GAPVD1: variants seen among roughly 807,000 people sequenced by gnomAD.
The protein encoded by GAPVD1 is GTPase activating protein and VPS9 domains 1, also known as GTPase-activating protein and VPS9 domain-containing protein 1.
Under a neutral mutation model 155.5 loss-of-function variants are expected in GAPVD1, and 35 were observed. The observed-to-expected ratio is 0.23, with a 90% CI of 0.17 to 0.30. The LOEUF (loss-of-function observed/expected upper bound fraction) is 0.30, where lower values mean the gene tolerates loss of function less well. Ranked by LOEUF, GAPVD1 falls within the 10% of genes least tolerant of loss-of-function variation. The pLI, the probability that GAPVD1 is intolerant of heterozygous loss-of-function variation, is 1.00. For synonymous variants in GAPVD1, 636 were observed against 619.7 expected, an observed-to-expected ratio of 1.03 and a Z score of -0.39; for missense variants, 1,429 against 1,775.7, an observed-to-expected ratio of 0.80 and a Z score of 3.51.
chr9:125,314,694 CA>C (rs1000490215), intron 9 of GAPVD1, among the ~76,000 whole-genome samples: 1 of 151,242 alleles, frequency 6.6e-6, no homozygotes, highest in South Asian at 2.1e-4. Flanking sequence ...AAAAAAGAAA[CA>C]AAAAGACAAG....
rs748916669 is a variant in GAPVD1 at position 125,337,103 on chromosome 9, A to C, written c.2506+8A>C. On this transcript the variant is annotated splice_region_variant and intron_variant, in intron 16 of 27. Transcript: ENST00000297933. ...CACTGTCTTCACATGAAGGTAAACC[A>C]GTGAAATGAACTTTTTCACTTATGT... is the stretch of plus-strand genomic sequence containing the variant. 1 of 1,608,058 alleles carries C rather than the reference A, an allele frequency of 6.2e-7. No homozygotes were observed. Among genetic ancestry groups the C allele is most frequent in the African/African-American group, 1.3e-5 (1 of 74,824 alleles).
intron 20 of GAPVD1, among the ~76,000 whole-genome samples, chr9:125,347,461 C>T (rs770154056): frequency 6.6e-6 from 1 of 152,150 alleles, no homozygotes; most frequent in African/African-American, 2.4e-5. Flanking sequence ...CACGGTGGCT[C>T]ACACCTGTAA....
At chr9:125,265,012 C>T (rs1833626520) in intron 1 of GAPVD1, among the ~76,000 whole-genome samples, 1 of 152,142 alleles carries the variant, frequency 6.6e-6, no homozygotes, top group African/African-American at 2.4e-5. Flanking sequence ...AGCCACCGCG[C>T]CTGGCCATCT....
At chr9:125,310,009 G>A (rs906977649) in intron 8 of GAPVD1, 1 of 457,690 alleles carries the variant, frequency 2.2e-6, no homozygotes, top group Non-Finnish European at 4.6e-6. Flanking sequence ...AACCCCGTTT[G>A]GTGGGTAATA....
chr9:125,319,694 C>T (rs917752146), intron 9 of GAPVD1, among the ~76,000 whole-genome samples: 9 of 151,754 alleles, frequency 5.9e-5, no homozygotes, highest in South Asian at 2.1e-4. Flanking sequence ...CTCCACCTCC[C>T]GGGTTCAAGC....
At chr9:125,268,464 T>A (rs899263465) in intron 1 of GAPVD1, among the ~76,000 whole-genome samples, 1 of 151,866 alleles carries the variant, frequency 6.6e-6, no homozygotes, top group Non-Finnish European at 1.5e-5. Context: ...TCAGTTTCAT[T>A]AGTTTATTTG....
intron 2 of GAPVD1, among the ~76,000 whole-genome samples, chr9:125,277,905 T>G (rs1452883941): frequency 6.6e-6 from 1 of 152,090 alleles, no homozygotes; most frequent in Non-Finnish European, 1.5e-5. Flanking sequence ...TGTACTCAAG[T>G]GATCCTCCTG....
rs1221829203 is a variant in GAPVD1, at chr9:125,330,074, A to G, written c.2033-4A>G. On this transcript the variant is annotated splice_region_variant and splice_polypyrimidine_tract_variant and intron_variant, in intron 12 of 27. Coordinates refer to ENST00000297933, the MANE Select transcript of GAPVD1 (RefSeq NM_001282680.3). ...TAACCCTTTGCTTCCCACTGGTTAT[A>G]CAGGTGCTGCAGCAGAGAACATGTT... 1.2e-6 allele frequency: 2 copies of G among 1,602,204 alleles called. No homozygotes were observed. Among genetic ancestry groups the G allele is most frequent in the Non-Finnish European group, 1.7e-6 (2 of 1,175,208 alleles).
intron 2 of GAPVD1, among the ~76,000 whole-genome samples, chr9:125,286,837 A>G (rs1002873656): frequency 2.8e-4 from 43 of 152,152 alleles, no homozygotes; most frequent in Admixed American, 1.3e-4. Flanking sequence ...TAATCCTAGC[A>G]CTTTGGGAGG....
At chr9:125,344,807 TAAAA>T (rs1189792717) in intron 19 of GAPVD1, among the ~76,000 whole-genome samples, 1 of 134,162 alleles carries the variant, frequency 7.5e-6, no homozygotes, top group Admixed American at 7.5e-5. Context: ...TTGTTTCTAT[TAAAA>T]AAAAAAAAAA....
chr9:125,272,578 C>T (rs1468644718), intron 2 of GAPVD1, among the ~76,000 whole-genome samples: 2 of 152,108 alleles, frequency 1.3e-5, no homozygotes, highest in Non-Finnish European at 2.9e-5. Context: ...GATTCGTTCT[C>T]TTTTTCTTAG....
chr9:125,294,791 A>G (rs1055465053), intron 2 of GAPVD1, among the ~76,000 whole-genome samples: 3 of 151,896 alleles, frequency 2.0e-5, no homozygotes, highest in Non-Finnish European at 4.4e-5. Flanking sequence ...CAGTCAAGAG[A>G]TAAGGGCTGG....
intron 2 of GAPVD1, among the ~76,000 whole-genome samples, chr9:125,294,930 G>C (rs187703427): frequency 6.6e-6 from 1 of 151,862 alleles, no homozygotes; most frequent in African/African-American, 2.4e-5. Context: ...AACAGAACTA[G>C]AAATTAAAGT....
Position 125,321,567 on chromosome 9 carries a change from A to G in GAPVD1, c.1732+5A>G, listed in dbSNP as rs966189148. ...ATCTGGAAGGAATATCTGAAGGTGAAGGGTTACTTCATTCAAGGAGTTGTG... is the reference window on the plus strand; with the variant it reads ...ATCTGGAAGGAATATCTGAAGGTGAGGGGTTACTTCATTCAAGGAGTTGTG... On this transcript the variant is annotated splice_donor_5th_base_variant and intron_variant, in intron 10 of 27. Transcript: ENST00000297933. 1 of 1,611,434 alleles carries G rather than the reference A, an allele frequency of 6.2e-7. No individual in the cohort carries two copies.
chr9:125,296,358 G>GTT (rs1554758517), intron 3 of GAPVD1, among the ~76,000 whole-genome samples: 5 of 121,744 alleles, frequency 4.1e-5, no homozygotes, highest in Admixed American at 8.5e-5. Context: ...TAGTTCTTAG[G>GTT]TTTTTTTTTT....
chr9:125,338,866 A>G (rs1007514743), intron 17 of GAPVD1, among the ~76,000 whole-genome samples: 5 of 151,922 alleles, frequency 3.3e-5, no homozygotes, highest in Non-Finnish European at 7.4e-5. Flanking sequence ...GTTCTCCATC[A>G]AATTTTTAAC....
At chr9:125,286,082 A>G (rs773470710) in intron 2 of GAPVD1, among the ~76,000 whole-genome samples, 7 of 152,094 alleles carry the variant, frequency 4.6e-5, no homozygotes, top group Admixed American at 6.6e-5. Flanking sequence ...TGCCGGGTCC[A>G]TAGATGTGAG....
In GAPVD1 at chr9:125,334,913, G is replaced by A. The variant is rs149787878; in HGVS notation, c.2429-2105G>A. Among the ~76,000 whole-genome samples, 27 of 144,282 alleles carry A rather than the reference G, an allele frequency of 1.9e-4. No individual in the cohort carries two copies. The East Asian group carries it at 4.8e-3, about 26-fold the overall frequency. 94.7% of individuals were successfully genotyped at this position (144,282 alleles called of 152,430 possible). On this transcript the variant is annotated intron_variant, in intron 15 of 27. Transcript: ENST00000297933. Reference sequence around the variant, plus strand: ...GGACAAAAATTAGAATTTTGGAAACGTGTGTCTACCTGCATGAGCTTGACA... The same window carrying A: ...GGACAAAAATTAGAATTTTGGAAACATGTGTCTACCTGCATGAGCTTGACA...
At chr9:125,326,762 T>C (rs561916909) in intron 12 of GAPVD1, among the ~76,000 whole-genome samples, 173 bp downstream of exon 12, 66 of 152,018 alleles carry the variant, frequency 4.3e-4, no homozygotes, top group African/African-American at 1.5e-3. Context: ...TTTACTTAAA[T>C]ATAACTAGTG....
Sources: gnomAD v4.1 joint callset for allele counts (sites outside exome capture counted in the v4.1 genomes callset) on GRCh38, gnomAD v4.1.1 for gene constraint, MANE v1.5 for transcripts, NCBI Gene and HGNC (gene_info 2026-07-23, HGNC 2026-07-21) for gene names.